Variants in DLG2 observed in about 807,000 individuals in gnomAD.
DLG2 encodes discs large MAGUK scaffold protein 2.
A neutral mutation model predicts 132.5 loss-of-function variants in DLG2; 45 were observed. That is an observed-to-expected ratio of 0.34 (90% CI 0.27 to 0.44). DLG2 has a LOEUF of 0.44. Among genes scored for constraint, DLG2 ranks in the 20% least tolerant of loss-of-function variants. The pLI, the probability that DLG2 is intolerant of heterozygous loss-of-function variation, is 1.00. For missense variants in DLG2, 1,045 were observed against 1,196.9 expected (o/e 0.87, Z 1.87); for synonymous variants, 424 against 419.6 (o/e 1.01, Z -0.13).
chr11:85,212,333 C>T (rs189943028), intron 4 of DLG2, among the ~76,000 whole-genome samples: 232 of 152,178 alleles, frequency 1.5e-3, no homozygotes, highest in African/African-American at 5.4e-3. Context: ...CTTTCTCCGT[C>T]TTTCTCTCTC....
intron 15 of DLG2, among the ~76,000 whole-genome samples, chr11:83,878,805 C>G (rs1359462746): frequency 6.6e-6 from 1 of 152,158 alleles, no homozygotes; most frequent in Admixed American, 6.5e-5. Flanking sequence ...CCCCTGTCGC[C>G]TGGTAGAAAA....
chr11:83,553,899 C>CTTT (rs754561291), intron 19 of DLG2, among the ~76,000 whole-genome samples: 5 of 111,204 alleles, frequency 4.5e-5, no homozygotes, highest in Admixed American at 9.1e-5. Flanking sequence ...CTTTTTTTTT[C>CTTT]TTTTTTTTTT....
chr11:84,851,333 T>G (rs1239603426), intron 6 of DLG2, among the ~76,000 whole-genome samples: 1 of 152,142 alleles, frequency 6.6e-6, no homozygotes, highest in Non-Finnish European at 1.5e-5. Context: ...AGTTTATTTT[T>G]ATTGCTATAT....
At chr11:84,923,144 C>CGGTATTCA in intron 6 of DLG2, 1 of 1,613,436 alleles carries the variant, frequency 6.2e-7, no homozygotes, top group Non-Finnish European at 8.5e-7. Flanking sequence ...GCATATGGAC[C>CGGTATTCA]GGTATTCAGC....
chr11:84,747,256 AAAC>A (rs1161133057), intron 6 of DLG2, among the ~76,000 whole-genome samples: 1 of 152,220 alleles, frequency 6.6e-6, no homozygotes, highest in East Asian at 1.9e-4. Context: ...TTTTATTAGA[AAAC>A]AATATTACTA....
At chr11:83,857,649 C>T (rs2060757517) in intron 16 of DLG2, among the ~76,000 whole-genome samples, 1 of 152,122 alleles carries the variant, frequency 6.6e-6, no homozygotes, top group African/African-American at 2.4e-5. Flanking sequence ...ATGTGCAACA[C>T]TAAAAGTGAA....
intron 6 of DLG2, among the ~76,000 whole-genome samples, chr11:84,994,667 G>A (rs1033564081): frequency 6.6e-6 from 1 of 152,172 alleles, no homozygotes; most frequent in African/African-American, 2.4e-5. Flanking sequence ...GTTTTGGGGG[G>A]AGATTATCAC....
At chr11:83,812,349 T>G (rs1209602963) in intron 17 of DLG2, among the ~76,000 whole-genome samples, 1 of 151,940 alleles carries the variant, frequency 6.6e-6, no homozygotes, top group African/African-American at 2.4e-5. Flanking sequence ...AAGAAATATA[T>G]TTGTCCATCT....
chr11:84,659,501 T>C (rs958049946), intron 6 of DLG2, among the ~76,000 whole-genome samples: 2 of 152,178 alleles, frequency 1.3e-5, no homozygotes, highest in Non-Finnish European at 2.9e-5. Context: ...ACTATCTCTT[T>C]GGGGCATGAC....
At chr11:84,928,217 GA>G (rs1451287708) in intron 6 of DLG2, among the ~76,000 whole-genome samples, 1 of 151,866 alleles carries the variant, frequency 6.6e-6, no homozygotes. Flanking sequence ...TGATAATTTA[GA>G]ATCCTTTCTC....
intron 6 of DLG2, among the ~76,000 whole-genome samples, chr11:84,850,974 C>A (rs2082098808): frequency 2.6e-5 from 4 of 152,098 alleles, no homozygotes. Flanking sequence ...TCAAACTAAT[C>A]TACAAATTTC....
intron 6 of DLG2, among the ~76,000 whole-genome samples, chr11:84,961,784 T>C (rs190802420): frequency 6.6e-6 from 1 of 152,218 alleles, no homozygotes; most frequent in East Asian, 1.9e-4. Flanking sequence ...ACTACGCAAA[T>C]GAATGCATAA....
intron 6 of DLG2, among the ~76,000 whole-genome samples, chr11:84,599,424 G>C (rs1414799642): frequency 6.6e-6 from 1 of 152,150 alleles, no homozygotes. Flanking sequence ...GGCATGTTGG[G>C]TCATTCTCTT....
rs17147519 is a variant in DLG2, at chr11:84,717,008, G to A, written c.358-182277C>T. Among the ~76,000 whole-genome samples, 829 of 152,086 alleles carry A rather than the reference G, an allele frequency of 5.5e-3. 4 individuals are homozygous for A. Among genetic ancestry groups the A allele is most frequent in the African/African-American group, 0.016 (669 of 41,526 alleles). On this transcript the variant is annotated intron_variant, in intron 6 of 27. Transcript: ENST00000376104. Reference sequence around the variant, plus strand: ...AACTAAATTGAATAGCTCTCAGGATGCAACAAGACGGACCCTGGAGATGGC... The same window carrying A: ...AACTAAATTGAATAGCTCTCAGGATACAACAAGACGGACCCTGGAGATGGC...
At chr11:84,158,220 C>T (rs1279486635) in intron 9 of DLG2, among the ~76,000 whole-genome samples, 7 of 151,986 alleles carry the variant, frequency 4.6e-5, no homozygotes, top group East Asian at 3.9e-4. Context: ...CCTGCCACGA[C>T]GTCCAGCTAA....
Position 83,557,606 on chromosome 11 carries a change from A to G in DLG2, c.1941-15748T>C, listed in dbSNP as rs112008567. ...ATCAAAGGTTAGAAATCATAGATAA[A>G]TGAAACCTGCAAACAGGCTTATGTT... On this transcript the variant is annotated intron_variant, in intron 19 of 27. Transcript: ENST00000376104. Among the ~76,000 whole-genome samples, 963 of 152,330 alleles carry G rather than the reference A, an allele frequency of 6.3e-3. 12 individuals are homozygous for G. The highest frequency in any genetic ancestry group is 0.021 in the African/African-American group (891 of 41,572).
chr11:84,256,949 A>G (rs528239443), intron 7 of DLG2, among the ~76,000 whole-genome samples: 1 of 152,340 alleles, frequency 6.6e-6, no homozygotes, highest in South Asian at 2.1e-4. Flanking sequence ...CAATTCACAC[A>G]GAAGATTTCC....
At chr11:84,040,690 C>T (rs1300257151) in intron 11 of DLG2, among the ~76,000 whole-genome samples, 1 of 150,302 alleles carries the variant, frequency 6.7e-6, no homozygotes, top group South Asian at 2.1e-4. Context: ...CTTAGGATTG[C>T]CTTGGTGATG....
At chr11:84,840,815 G>A (rs750591965) in intron 6 of DLG2, among the ~76,000 whole-genome samples, 2 of 151,954 alleles carry the variant, frequency 1.3e-5, no homozygotes, top group Non-Finnish European at 2.9e-5. Context: ...CACAGGTCGG[G>A]GACATCACAC....
Sources: allele counts gnomAD v4.1 joint callset (sites outside exome capture counted in the v4.1 genomes callset), GRCh38; gene constraint gnomAD v4.1.1; transcripts MANE v1.5; gene names NCBI Gene and HGNC (gene_info 2026-07-23, HGNC 2026-07-21).